The following SPMIP4 variants were observed in gnomAD, a reference collection of about 807,000 sequenced individuals.
SPMIP4 encodes the protein sperm microtubule inner protein 4, also known as sperm-associated microtubule inner protein 4.
the SPMIP4 span, among the ~76,000 whole-genome samples, chr7:25,156,773 C>T: frequency 5.9e-5 from 9 of 152,116 alleles, no homozygotes; most frequent in African/African-American, 1.7e-4. Flanking sequence ...CTGCAACCTC[C>T]GCCTCCCAGG....
chr7:25,135,245 T>C, the SPMIP4 span: 1 of 842,196 alleles, frequency 1.2e-6, no homozygotes, highest in African/African-American at 1.8e-5. Flanking sequence ...CAGTTGCTAA[T>C]TAAGGCCATT....
the SPMIP4 span, among the ~76,000 whole-genome samples, chr7:25,158,243 C>T: frequency 6.6e-6 from 1 of 151,698 alleles, no homozygotes; most frequent in Admixed American, 6.6e-5. Context: ...TGGTGCACAC[C>T]TGTAGTCCCA....
chr7:25,139,780 A>G, the SPMIP4 span, among the ~76,000 whole-genome samples: 1 of 152,228 alleles, frequency 6.6e-6, no homozygotes, highest in African/African-American at 2.4e-5. Context: ...TTCTGTATGC[A>G]AGAAGCAGTT....
At chr7:25,141,694 T>G in the SPMIP4 span, among the ~76,000 whole-genome samples, 3 of 131,362 alleles carry the variant, frequency 2.3e-5, no homozygotes, top group African/African-American at 8.1e-5. Context: ...AACAGTAGCA[T>G]AGTAGAAAAT....
At chr7:25,175,447 T>C in the SPMIP4 span, among the ~76,000 whole-genome samples, 1 of 151,886 alleles carries the variant, frequency 6.6e-6, no homozygotes, top group Non-Finnish European at 1.5e-5. Flanking sequence ...ACCTCACCTA[T>C]TGTGAAAAGA....
chr7:25,145,072 C>T, the SPMIP4 span, among the ~76,000 whole-genome samples: 2 of 151,516 alleles, frequency 1.3e-5, no homozygotes, highest in Admixed American at 6.6e-5. Flanking sequence ...AAGTGATTCT[C>T]CTGCCTCAGC....
At chr7:25,135,016 G>T in the SPMIP4 span, 1 of 794,624 alleles carries the variant, frequency 1.3e-6, no homozygotes, top group Non-Finnish European at 1.5e-6. Flanking sequence ...TGACATGTTG[G>T]TCATAAAATT....
the SPMIP4 span, among the ~76,000 whole-genome samples, chr7:25,154,003 ATATTCCCATT>A: frequency 6.6e-6 from 1 of 152,228 alleles, no homozygotes; most frequent in Non-Finnish European, 1.5e-5. Context: ...TCTATTAATA[ATATTCCCATT>A]TTGCAGACTG....
At chr7:25,136,858 A>C in the SPMIP4 span, 1 of 1,482,700 alleles carries the variant, frequency 6.7e-7, no homozygotes, top group Non-Finnish European at 9.2e-7. This position sits in a 1 kb window ranked among gnomAD's most constrained non-coding sequence, Gnocchi z 5.7. Context: ...TGGTAGGTCA[A>C]AAGTCATACC....
At chr7:25,159,396 C>T in the SPMIP4 span, among the ~76,000 whole-genome samples, 2,026 of 152,284 alleles carry the variant, frequency 0.013, 44 homozygotes, top group Middle Eastern at 0.054. Context: ...TACTCCGAAC[C>T]TTGCATGCCA....
chr7:25,149,442 T>C, the SPMIP4 span, among the ~76,000 whole-genome samples: 1 of 152,114 alleles, frequency 6.6e-6, no homozygotes, highest in Non-Finnish European at 1.5e-5. Flanking sequence ...TCCAGGGAAA[T>C]GCAAAACTTG....
At chr7:25,125,944 C>T in the SPMIP4 span, 3 of 985,266 alleles carry the variant, frequency 3.0e-6, no homozygotes. Flanking sequence ...GAAGGTGCTG[C>T]ATTTGCGGCA....
chr7:25,165,899 T>G, the SPMIP4 span, among the ~76,000 whole-genome samples: 1 of 152,178 alleles, frequency 6.6e-6, no homozygotes, highest in Non-Finnish European at 1.5e-5. Flanking sequence ...CCTCTCTACA[T>G]TTTGCTAGTT....
chr7:25,141,977 C>T, the SPMIP4 span, among the ~76,000 whole-genome samples: 1 of 152,188 alleles, frequency 6.6e-6, no homozygotes, highest in Non-Finnish European at 1.5e-5. Flanking sequence ...ACCTCGTGAT[C>T]TGTCCGCCTC....
chr7:25,160,200 G>A, the SPMIP4 span, among the ~76,000 whole-genome samples: 1 of 72,284 alleles, frequency 1.4e-5, no homozygotes, highest in South Asian at 5.6e-4. Context: ...CCATCTAGTG[G>A]CTAACTTCTA....
chr7:25,163,794 T>C, the SPMIP4 span, among the ~76,000 whole-genome samples: 1 of 152,188 alleles, frequency 6.6e-6, no homozygotes, highest in Non-Finnish European at 1.5e-5. The surrounding 1 kb of genome is among the most constrained non-coding windows in gnomAD (Gnocchi z 4.4). Flanking sequence ...CCTCATAAGA[T>C]TAGACACTTC....
the SPMIP4 span, chr7:25,136,065 T>G: frequency 6.2e-7 from 1 of 1,614,130 alleles, no homozygotes; most frequent in Admixed American, 1.7e-5. The surrounding 1 kb of genome is among the most constrained non-coding windows in gnomAD (Gnocchi z 5.7). Flanking sequence ...CTTCTAGAAT[T>G]GATTTATGGA....
chr7:25,141,003 G>A, the SPMIP4 span, among the ~76,000 whole-genome samples: 1 of 152,102 alleles, frequency 6.6e-6, no homozygotes, highest in Non-Finnish European at 1.5e-5. Flanking sequence ...TGTAGTCGTC[G>A]AGAATAAAAT....
chr7:25,140,086 T>C, the SPMIP4 span, among the ~76,000 whole-genome samples: 1 of 152,242 alleles, frequency 6.6e-6, no homozygotes, highest in Non-Finnish European at 1.5e-5. Context: ...TCTGGAAATC[T>C]GGACAGTTGT....
Sources: gnomAD v4.1 joint callset for allele counts (sites outside exome capture counted in the v4.1 genomes callset) on GRCh38, gnomAD v4.1.1 for gene constraint, Gnocchi (gnomAD v3.1) non-coding constraint, MANE v1.5 for transcripts, NCBI Gene and HGNC (gene_info 2026-07-23, HGNC 2026-07-21) for gene names.